The following NCAM2 variants were observed in gnomAD, a reference collection of about 807,000 sequenced individuals.
NCAM2 encodes N-CAM-2.
NCAM2 carries 30 observed loss-of-function variants against 98.1 expected under a neutral mutation model. The ratio of observed to expected loss-of-function variants is 0.31; its 90% CI spans 0.23 to 0.41. The LOEUF (loss-of-function observed/expected upper bound fraction) is 0.41, where lower values mean the gene tolerates loss of function less well. NCAM2 is among the 10% of genes least tolerant of loss of function. NCAM2 has a pLI of 1.00. For synonymous variants in NCAM2, 368 were observed against 342.4 expected, an observed-to-expected ratio of 1.07 and a Z score of -0.83; for missense variants, 867 against 1,005.8, an observed-to-expected ratio of 0.86 and a Z score of 1.87.
chr21:21,368,928 A>G (rs548134541), intron 8 of NCAM2, among the ~76,000 whole-genome samples: 4 of 151,880 alleles, frequency 2.6e-5, no homozygotes, highest in Non-Finnish European at 4.4e-5. Flanking sequence ...TTCGTAAAAC[A>G]CCCAATAACC....
chr21:21,486,303 C>CAAAAAAA (rs67182493), intron 15 of NCAM2, among the ~76,000 whole-genome samples: 15 of 52,254 alleles, frequency 2.9e-4, no homozygotes, highest in African/African-American at 9.3e-4. Flanking sequence ...GACTCCGTCT[C>CAAAAAAA]AAAAAAAAAA....
chr21:21,479,309 C>T (rs1415694736), intron 15 of NCAM2, among the ~76,000 whole-genome samples: 8 of 151,928 alleles, frequency 5.3e-5, no homozygotes, highest in African/African-American at 9.7e-5. Context: ...GTTGGCCGGG[C>T]GCGGTGGCTC....
chr21:21,015,819 G>T (rs1394023431), intron 1 of NCAM2, among the ~76,000 whole-genome samples: 1 of 151,918 alleles, frequency 6.6e-6, no homozygotes, highest in East Asian at 1.9e-4. Context: ...TTCTCCTGCC[G>T]TAGCCTCCTG....
At chr21:21,080,088 CAAACA>C (rs2065760517) in intron 1 of NCAM2, among the ~76,000 whole-genome samples, 1 of 151,888 alleles carries the variant, frequency 6.6e-6, no homozygotes, top group African/African-American at 2.4e-5. Context: ...ATGAGCTTCC[CAAACA>C]AAACAAAAAC....
At chr21:21,435,381 T>G (rs908995886) in intron 12 of NCAM2, among the ~76,000 whole-genome samples, 64 of 152,174 alleles carry the variant, frequency 4.2e-4, no homozygotes, top group African/African-American at 1.4e-3. Flanking sequence ...TTCAGTGGGT[T>G]CTGTTCACCT....
chr21:21,326,655 T>A (rs1199099765), intron 6 of NCAM2, among the ~76,000 whole-genome samples: 1 of 152,188 alleles, frequency 6.6e-6, no homozygotes, highest in Non-Finnish European at 1.5e-5. Context: ...ATTCAAAGAA[T>A]AATATAATGA....
intron 1 of NCAM2, among the ~76,000 whole-genome samples, chr21:21,238,997 A>G (rs540397693): frequency 3.9e-5 from 6 of 152,158 alleles, no homozygotes; most frequent in African/African-American, 1.2e-4. Context: ...TAGATTCCCA[A>G]TTTCCTTCAG....
intron 1 of NCAM2, among the ~76,000 whole-genome samples, chr21:21,163,089 A>G (rs1222530179): frequency 6.6e-6 from 1 of 152,200 alleles, no homozygotes; most frequent in Non-Finnish European, 1.5e-5. Context: ...TGAAGCAAAA[A>G]GAGATGTTCA....
At chr21:21,338,619 A>G (rs1249738851) in intron 8 of NCAM2, 85 bp downstream of exon 8, 1 of 1,291,022 alleles carries the variant, frequency 7.7e-7, no homozygotes, top group Non-Finnish European at 1.0e-6. Flanking sequence ...TTAGTCTCCA[A>G]TTTACCTAGT....
chr21:21,073,703 G>A lies in NCAM2; in HGVS notation c.55+75085G>A, dbSNP rs186641552. Reference sequence around the variant, plus strand: ...AGTAATTAAGTAATTAATATCTGGAGGTATGAAGCCCACTCCATACAACCA... The same window carrying A: ...AGTAATTAAGTAATTAATATCTGGAAGTATGAAGCCCACTCCATACAACCA... On this transcript the variant is annotated intron_variant, in intron 1 of 17. Transcript: ENST00000400546. 7.6e-4 allele frequency among the ~76,000 whole-genome samples: 116 copies of A among 152,208 alleles called. 1 individual carries two copies. Among genetic ancestry groups the A allele is most frequent in the Non-Finnish European group, 1.3e-3 (88 of 68,020 alleles).
At chr21:21,121,923 C>G (rs540682173) in intron 1 of NCAM2, among the ~76,000 whole-genome samples, 1 of 152,214 alleles carries the variant, frequency 6.6e-6, no homozygotes, top group Non-Finnish European at 1.5e-5. Context: ...GTGAAAAGGA[C>G]AATTCATTGA....
chr21:21,131,686 C>A (rs2146614768), intron 1 of NCAM2, among the ~76,000 whole-genome samples: 1 of 152,226 alleles, frequency 6.6e-6, no homozygotes, highest in Admixed American at 6.5e-5. Flanking sequence ...TCAATTACTA[C>A]AATTTTATAT....
chr21:21,418,397 G>T (rs2077037518), intron 10 of NCAM2, 76 bp from the exon 11 acceptor site: 5 of 995,578 alleles, frequency 5.0e-6, no homozygotes, highest in African/African-American at 3.2e-5. Flanking sequence ...TGTGAAAGTG[G>T]TAGTCATACT....
chr21:21,468,544 G>A (rs1984018153), intron 13 of NCAM2, 118 bp from the exon 14 acceptor site: 2 of 944,712 alleles, frequency 2.1e-6, no homozygotes, highest in East Asian at 3.0e-5. Flanking sequence ...AATGTCAAAT[G>A]GTAAATCCAG....
chr21:21,064,664 A>G (rs1453312047), intron 1 of NCAM2, among the ~76,000 whole-genome samples: 1 of 152,180 alleles, frequency 6.6e-6, no homozygotes, highest in African/African-American at 2.4e-5. Flanking sequence ...GTAGAAATTC[A>G]TGTGGACAGT....
At chr21:21,515,530 A>AAAGCAAATTGCTTTCCT (rs571834286) in intron 16 of NCAM2, among the ~76,000 whole-genome samples, 2,356 of 152,294 alleles carry the variant, frequency 0.015, 33 homozygotes, top group Non-Finnish European at 0.025. Flanking sequence ...TGTTAGAACC[A>AAAGCAAATTGCTTTCCT]AAGCAAATTG....
chr21:21,231,528 ACT>A (rs1443754268), intron 1 of NCAM2, among the ~76,000 whole-genome samples: 1 of 151,328 alleles, frequency 6.6e-6, no homozygotes, highest in Admixed American at 6.6e-5. Context: ...ATTGCTAATG[ACT>A]CTATGTATTA....
chr21:21,447,177 C>T (rs1980299334), intron 12 of NCAM2, among the ~76,000 whole-genome samples: 1 of 152,132 alleles, frequency 6.6e-6, no homozygotes, highest in African/African-American at 2.4e-5. Context: ...GTAGCAAAAA[C>T]AGCATGTTAC....
In NCAM2 at chr21:21,284,371, A is replaced by T. The variant is rs2073029028; in HGVS notation, c.308A>T (p.Gln103Leu). Residue 103 changes from glutamine (Q) to leucine (L), a missense_variant, in exon 3 of 18, where the codon CAA becomes CTA. Transcript: ENST00000400546. ...CQATDAKGQT[Q>L]EATVVLEIYQ... ...GCAACAGATGCCAAAGGACAAACAC[A>T]AGAAGCTACAGTAGTTTTGGAAATT... 6.2e-7 allele frequency: 1 copy of T among 1,612,160 alleles called. No individual in the cohort carries two copies. Among genetic ancestry groups the T allele is most frequent in the Admixed American group, 1.7e-5 (1 of 59,832 alleles).
Sources: gnomAD v4.1 joint callset for allele counts (sites outside exome capture counted in the v4.1 genomes callset) on GRCh38, gnomAD v4.1.1 for gene constraint, MANE v1.5 for transcripts, NCBI Gene and HGNC (gene_info 2026-07-23, HGNC 2026-07-21) for gene names.